The following ATP6V1D variants were observed in gnomAD, a reference collection of about 807,000 sequenced individuals.
ATP6V1D encodes the protein V-type proton ATPase subunit D.
In ATP6V1D, 20 loss-of-function variants were observed where a neutral mutation model predicts 39.4. The observed-to-expected ratio is 0.51, with a 90% CI of 0.36 to 0.74. The LOEUF (loss-of-function observed/expected upper bound fraction) is 0.74, where lower values mean the gene tolerates loss of function less well. Ranked by LOEUF, ATP6V1D falls within the 30% of genes least tolerant of loss-of-function variation. The pLI is 0.00. For missense variants in ATP6V1D, 228 were observed against 291.6 expected (o/e 0.78, Z 1.59); for synonymous variants, 100 against 100.5 (o/e 0.99, Z 0.03).
At position 67,352,994 on chromosome 14, in the gene ATP6V1D, G is replaced by A. The variant is rs771874211; in HGVS notation, c.88C>T (p.Arg30Ter). 5.0e-6 allele frequency: 8 copies of A among 1,613,818 alleles called. No homozygotes were observed. The highest frequency in any genetic ancestry group is 4.5e-5 in the East Asian group (2 of 44,884). Reference protein sequence around the residue: ...KARLKGAQTGRNLLKKKSDAL... With the variant: ...KARLKGAQTG ...TCAGATTTTTTCTTCAGGAGGTTTC[G>A]ACCTGTCTGTGCTCCCTTTAAACGA... The change falls in exon 2 of 9, where the codon CGA becomes TGA. Residue 30 changes from arginine (R) to a stop codon, truncating the protein, a stop_gained. Coordinates refer to ENST00000216442, the MANE Select transcript of ATP6V1D (RefSeq NM_015994.4). LOFTEE classifies it high-confidence loss of function.
At chr14:67,350,295 G>T (rs990406853) in intron 3 of ATP6V1D, among the ~76,000 whole-genome samples, 1 of 151,380 alleles carries the variant, frequency 6.6e-6, no homozygotes, top group African/African-American at 2.4e-5. Context: ...CAAATACCCA[G>T]CATTAGGAGA....
intron 7 of ATP6V1D, among the ~76,000 whole-genome samples, chr14:67,340,760 C>T (rs1351845586): frequency 6.6e-6 from 1 of 152,178 alleles, no homozygotes; most frequent in African/African-American, 2.4e-5. Flanking sequence ...TCTCAGCTCA[C>T]TGCAACCTCC....
At chr14:67,354,566 C>T (rs2085673672) in intron 1 of ATP6V1D, among the ~76,000 whole-genome samples, 1 of 151,994 alleles carries the variant, frequency 6.6e-6, no homozygotes. Flanking sequence ...AAGCTAAATG[C>T]TAAATACATC....
intron 6 of ATP6V1D, among the ~76,000 whole-genome samples, chr14:67,344,012 CCT>C (rs1387051282): frequency 1.3e-5 from 2 of 152,150 alleles, no homozygotes; most frequent in Non-Finnish European, 1.5e-5. Flanking sequence ...ACATCCTGTC[CCT>C]GAGTAAGGAA....
chr14:67,359,417 A>G (rs1180683927), intron 1 of ATP6V1D, among the ~76,000 whole-genome samples: 1 of 152,212 alleles, frequency 6.6e-6, no homozygotes, highest in Non-Finnish European at 1.5e-5. Flanking sequence ...GACCTCCACA[A>G]AAGCCCGCCG....
chr14:67,349,559 G>C (rs1001752814), intron 3 of ATP6V1D, among the ~76,000 whole-genome samples: 7 of 152,188 alleles, frequency 4.6e-5, no homozygotes, highest in Non-Finnish European at 1.0e-4. Context: ...TCCTGGCAGG[G>C]TGCGATAGCT....
intron 1 of ATP6V1D, 31 bp from the exon 2 acceptor site, chr14:67,353,071 T>C (rs375401771): frequency 1.4e-5 from 21 of 1,529,132 alleles, no homozygotes; most frequent in East Asian, 2.3e-5. Context: ...TTAAGACATC[T>C]ATTCTCATTG....
intron 4 of ATP6V1D, 47 bp from the exon 5 acceptor site, chr14:67,347,500 C>CT (rs142554896): frequency 0.078 from 100,627 of 1,283,866 alleles, 3,309 homozygotes; most frequent in East Asian, 0.24. Context: ...TTTAAGTTCT[C>CT]TCTTTTTTTT....
chr14:67,350,249 A>C (rs1197989009), intron 3 of ATP6V1D, among the ~76,000 whole-genome samples: 2 of 152,208 alleles, frequency 1.3e-5, no homozygotes, highest in Non-Finnish European at 2.9e-5. Context: ...TGTTCACTGC[A>C]CTTTCCCTAA....
At chr14:67,348,937 G>A in intron 4 of ATP6V1D, 100 bp downstream of exon 4, 1 of 1,125,784 alleles carries the variant, frequency 8.9e-7, no homozygotes, top group East Asian at 2.5e-5. Context: ...CTAAGTAGAA[G>A]GAAGAAACTA....
chr14:67,341,954 G>GT (rs2085587673), intron 7 of ATP6V1D, among the ~76,000 whole-genome samples: 1 of 151,824 alleles, frequency 6.6e-6, no homozygotes, highest in Non-Finnish European at 1.5e-5. Context: ...GGCGGTGCAA[G>GT]ATGTGCTTTG....
intron 7 of ATP6V1D, 26 bp downstream of exon 7, chr14:67,343,346 A>G: frequency 6.3e-7 from 1 of 1,578,454 alleles, no homozygotes; most frequent in South Asian, 1.1e-5. Context: ...CAAGTGACAA[A>G]GCACCTCACA....
chr14:67,338,841 C>T (rs1053929265), intron 8 of ATP6V1D, 79 bp from the exon 9 acceptor site: 3 of 1,371,848 alleles, frequency 2.2e-6, no homozygotes, highest in Admixed American at 4.4e-5. Flanking sequence ...AGTTTTGTAA[C>T]AAGGATAATA....
intron 5 of ATP6V1D, among the ~76,000 whole-genome samples, chr14:67,346,172 G>C (rs2085618251): frequency 6.6e-6 from 1 of 152,192 alleles, no homozygotes; most frequent in Admixed American, 6.5e-5. Flanking sequence ...CTGATGCCCA[G>C]AGTACGATGA....
chr14:67,340,118 A>G (rs2085568955), intron 8 of ATP6V1D: 2 of 242,236 alleles, frequency 8.3e-6, no homozygotes, highest in South Asian at 7.2e-5. Context: ...TCAGTTACAG[A>G]TCAAACTCCT....
intron 5 of ATP6V1D, 70 bp from the exon 6 acceptor site, chr14:67,345,941 A>T (rs1283603277): frequency 1.1e-6 from 1 of 935,488 alleles, no homozygotes; most frequent in East Asian, 2.5e-5. Flanking sequence ...CCCCAAAAGG[A>T]GATAATTCAG....
chr14:67,347,329 A>C, intron 5 of ATP6V1D, 80 bp downstream of exon 5: 1 of 1,184,948 alleles, frequency 8.4e-7, no homozygotes, highest in Non-Finnish European at 1.2e-6. Context: ...ATCTAGCACC[A>C]TTTTCCAGAA....
chr14:67,349,108 C>T lies in ATP6V1D; in HGVS notation c.240-4G>A. Reference sequence around the variant, plus strand: ...GACATTTTGGATAACTGTAGTGCTGCAGAAAAAGAGAAAGACTTTATTTAG... The same window carrying T: ...GACATTTTGGATAACTGTAGTGCTGTAGAAAAAGAGAAAGACTTTATTTAG... On this transcript the variant is annotated splice_polypyrimidine_tract_variant and splice_region_variant and intron_variant, in intron 3 of 8. Coordinates refer to ENST00000216442, the MANE Select transcript of ATP6V1D (RefSeq NM_015994.4). 6.2e-7 allele frequency: 1 copy of T among 1,613,204 alleles called. No homozygotes were observed. The highest frequency in any genetic ancestry group is 1.3e-5 in the African/African-American group (1 of 74,964).
chr14:67,340,521 A>G lies in ATP6V1D; in HGVS notation c.524-3T>C, dbSNP rs748934464. Reference sequence around the variant, plus strand: ...ACGTTCAATCCGGGGAATGATGACTAGAATAAAAAAAAAAATAATATGTGT... The same window carrying G: ...ACGTTCAATCCGGGGAATGATGACTGGAATAAAAAAAAAAATAATATGTGT... On this transcript the variant is annotated splice_polypyrimidine_tract_variant and splice_region_variant and intron_variant, in intron 7 of 8. Transcript: ENST00000216442. 2 of 1,562,500 alleles carry G rather than the reference A, an allele frequency of 1.3e-6. No homozygotes were observed. Among genetic ancestry groups the G allele is most frequent in the African/African-American group, 2.1e-5 (1 of 46,908 alleles).
Sources: allele counts gnomAD v4.1 joint callset (sites outside exome capture counted in the v4.1 genomes callset), GRCh38; gene constraint gnomAD v4.1.1; transcripts MANE v1.5; gene names NCBI Gene and HGNC (gene_info 2026-07-23, HGNC 2026-07-21).